Variants in EXOC2 observed in about 807,000 individuals in gnomAD.
EXOC2 encodes SEC5-like 1.
Under a neutral mutation model 131.8 loss-of-function variants are expected in EXOC2, and 70 were observed. That is an observed-to-expected ratio of 0.53 (90% CI 0.44 to 0.65). EXOC2 has a LOEUF of 0.65. Ranked by LOEUF, EXOC2 falls within the 30% of genes least tolerant of loss-of-function variation. EXOC2 has a pLI of 0.00. For missense variants in EXOC2, 923 were observed against 1,108.6 expected (o/e 0.83, Z 2.38); for synonymous variants, 411 against 398.4 (o/e 1.03, Z -0.38).
chr6:683,329 CAAT>C (rs1461275342), intron 1 of EXOC2, among the ~76,000 whole-genome samples: 1 of 152,100 alleles, frequency 6.6e-6, no homozygotes, highest in Non-Finnish European at 1.5e-5. Flanking sequence ...ACCATCTCAA[CAAT>C]AATGTTCAGG....
intron 22 of EXOC2, among the ~76,000 whole-genome samples, chr6:545,168 A>C (rs545893091): frequency 2.6e-5 from 4 of 151,938 alleles, no homozygotes; most frequent in East Asian, 3.9e-4. Flanking sequence ...AAAAAAAAAA[A>C]AAAAAAAAAA....
At chr6:682,899 A>G (rs914851940) in intron 1 of EXOC2, among the ~76,000 whole-genome samples, 15 of 152,308 alleles carry the variant, frequency 9.8e-5, no homozygotes, top group Non-Finnish European at 2.2e-4. Context: ...GAACCCCAAA[A>G]AACTGAACAC....
chr6:534,555 G>A (rs1211651347), intron 22 of EXOC2, among the ~76,000 whole-genome samples: 1 of 152,186 alleles, frequency 6.6e-6, no homozygotes, highest in Non-Finnish European at 1.5e-5. Context: ...ATGCAGTACT[G>A]GGAGCTGAAA....
At chr6:490,802 TATACTG>T (rs1208025693) in intron 26 of EXOC2, among the ~76,000 whole-genome samples, 1 of 152,252 alleles carries the variant, frequency 6.6e-6, no homozygotes, top group Non-Finnish European at 1.5e-5. Context: ...GGCTTCCTCT[TATACTG>T]ATATTTACAG....
intron 1 of EXOC2, chr6:689,189 T>C (rs1423873590): frequency 6.6e-6 from 1 of 152,228 alleles, no homozygotes; most frequent in Non-Finnish European, 1.5e-5. Flanking sequence ...CCAGTGTTCG[T>C]TCCATTATTG....
At chr6:511,631 C>T (rs1764849298) in intron 23 of EXOC2, among the ~76,000 whole-genome samples, 1 of 152,220 alleles carries the variant, frequency 6.6e-6, no homozygotes, top group Non-Finnish European at 1.5e-5. Context: ...TGAACCCAGC[C>T]CGAGCGGGAC....
intron 11 of EXOC2, among the ~76,000 whole-genome samples, chr6:579,119 T>G (rs916196335): frequency 6.6e-6 from 1 of 152,144 alleles, no homozygotes; most frequent in African/African-American, 2.4e-5. Context: ...GAATTTATGA[T>G]TAAGAAGGAA....
chr6:613,696 G>A (rs1009264003), intron 6 of EXOC2, among the ~76,000 whole-genome samples: 1 of 152,126 alleles, frequency 6.6e-6, no homozygotes, highest in Non-Finnish European at 1.5e-5. Flanking sequence ...GAAGGAAACC[G>A]GGAGGAGGCA....
At chr6:592,102 G>A (rs1202842895) in intron 11 of EXOC2, among the ~76,000 whole-genome samples, 1 of 152,048 alleles carries the variant, frequency 6.6e-6, no homozygotes, top group Non-Finnish European at 1.5e-5. Flanking sequence ...AACTCTGGGA[G>A]GCAGCAGCTA....
intron 11 of EXOC2, among the ~76,000 whole-genome samples, chr6:591,918 CT>C (rs1759562247): frequency 1.3e-5 from 2 of 152,318 alleles, no homozygotes; most frequent in South Asian, 4.1e-4. Context: ...ACCTTTTATC[CT>C]TCCAGTTCTA....
chr6:539,903 A>G (rs1284931707), intron 22 of EXOC2, among the ~76,000 whole-genome samples: 1 of 152,224 alleles, frequency 6.6e-6, no homozygotes, highest in African/African-American at 2.4e-5. Flanking sequence ...ATTCCTTTAT[A>G]TTACTGAACC....
rs2127496293 is a variant in EXOC2, at chr6:506,996, G to A, written c.2381-7296C>T. Among the ~76,000 whole-genome samples the A allele has an allele frequency of 6.6e-6, 1 of 151,350 alleles. No individual in the cohort carries two copies. Among genetic ancestry groups the A allele is most frequent in the Middle Eastern group, 3.4e-3 (1 of 294 alleles). On this transcript the variant is annotated intron_variant, in intron 23 of 27. Coordinates refer to ENST00000230449, the MANE Select transcript of EXOC2 (RefSeq NM_018303.6). The surrounding 1 kb of genome is among the most constrained non-coding windows in gnomAD (Gnocchi z 4.4). ...TGCAGGACACTTTTCCAGGGGCTGG[G>A]GATATAGCAGGGACTACACACACAC...
chr6:555,855 C>T (rs575044607), intron 19 of EXOC2, 99 bp downstream of exon 19: 8 of 1,175,352 alleles, frequency 6.8e-6, no homozygotes, highest in Non-Finnish European at 9.8e-6. Context: ...AAAAGAATAC[C>T]TATTTGGTGA....
rs768717046 is a variant in EXOC2 at position 656,879 on chromosome 6, G to A, written c.-43-19018C>T. 3.1e-6 allele frequency: 5 copies of A among 1,603,216 alleles called. No individual in the cohort carries two copies. In the African/African-American group the frequency reaches 4.0e-5, roughly 13 times the overall value. ...CGCAGACCTTCGCTAGCCTCGCGAC[G>A]GTGCCGCTGACGTGAATGAACAGCT... On this transcript the variant is annotated intron_variant, in intron 1 of 27. Transcript: ENST00000230449.
Position 571,576 on chromosome 6 carries a change from A to G in EXOC2, c.1443+944T>C, listed in dbSNP as rs189214409. Among the ~76,000 whole-genome samples the G allele has an allele frequency of 5.3e-3, 800 of 152,274 alleles. 3 individuals are homozygous for G. The highest frequency in any genetic ancestry group is 9.6e-3 in the Non-Finnish European group (652 of 68,016). On this transcript the variant is annotated intron_variant, in intron 13 of 27. Transcript: ENST00000230449. Reference sequence around the variant, plus strand: ...ACCTGAGGTACTCTGACACTTAGCCACTTTCCGCCAAGGAGGAGAGGTTTA... The same window carrying G: ...ACCTGAGGTACTCTGACACTTAGCCGCTTTCCGCCAAGGAGGAGAGGTTTA...
At chr6:501,145 TA>T (rs1764049043) in intron 23 of EXOC2, among the ~76,000 whole-genome samples, 1 of 68,994 alleles carries the variant, frequency 1.4e-5, no homozygotes, top group Non-Finnish European at 2.6e-5. Flanking sequence ...TATCTATATA[TA>T]TTATATATAT....
intron 13 of EXOC2, among the ~76,000 whole-genome samples, chr6:569,466 T>C (rs1180513168): frequency 6.6e-6 from 1 of 152,262 alleles, no homozygotes; most frequent in East Asian, 1.9e-4. Context: ...AAGATAGTTT[T>C]ATAACAAGAA....
At chr6:495,508 C>CG (rs1673129986) in intron 25 of EXOC2, among the ~76,000 whole-genome samples, 1 of 152,146 alleles carries the variant, frequency 6.6e-6, no homozygotes, top group Non-Finnish European at 1.5e-5. Flanking sequence ...ACAACATATA[C>CG]GAAACTGAAA....
chr6:565,908 G>A (rs569563627), intron 13 of EXOC2, among the ~76,000 whole-genome samples: 1 of 152,236 alleles, frequency 6.6e-6, no homozygotes, highest in South Asian at 2.1e-4. Flanking sequence ...ACATATCAAT[G>A]TAAGTAAAAT....
Sources: allele counts gnomAD v4.1 joint callset (sites outside exome capture counted in the v4.1 genomes callset), GRCh38; gene constraint gnomAD v4.1.1; non-coding constraint Gnocchi (gnomAD v3.1); transcripts MANE v1.5; gene names NCBI Gene and HGNC (gene_info 2026-07-23, HGNC 2026-07-21).